Variants in DENND3 observed in about 807,000 individuals in gnomAD.
DENND3 encodes DENN domain-containing protein 3.
In DENND3, 88 loss-of-function variants were observed where a neutral mutation model predicts 135.1. That is an observed-to-expected ratio of 0.65 (90% CI 0.55 to 0.78). DENND3 has a LOEUF of 0.78. DENND3 is among the 30% of genes least tolerant of loss of function. DENND3 has a pLI of 0.00. For synonymous variants in DENND3, 693 were observed against 712.3 expected (o/e 0.97, Z 0.43); for missense variants, 1,392 against 1,688.4 (o/e 0.82, Z 3.08).
intron 17 of DENND3, among the ~76,000 whole-genome samples, chr8:141,183,621 C>T (rs1354458437): frequency 1.3e-5 from 2 of 151,534 alleles, no homozygotes; most frequent in Non-Finnish European, 2.9e-5. Context: ...GTTTAATTCA[C>T]GGTGACACAA....
chr8:141,172,350 C>T (rs1024777764), intron 13 of DENND3, among the ~76,000 whole-genome samples: 4 of 152,100 alleles, frequency 2.6e-5, no homozygotes, highest in Non-Finnish European at 4.4e-5. Flanking sequence ...GCACTGGTGG[C>T]AGCTGCGGTG....
intron 17 of DENND3, among the ~76,000 whole-genome samples, chr8:141,183,019 G>A (rs1194822603): frequency 6.6e-6 from 1 of 152,204 alleles, no homozygotes; most frequent in African/African-American, 2.4e-5. Context: ...ATCCTCAGGG[G>A]AAAGGTGAAA....
Position 141,166,099 on chromosome 8 carries a change from C to T in DENND3, c.1554-91C>T. On this transcript the variant is annotated intron_variant, in intron 11 of 22. Coordinates refer to ENST00000519811, the MANE Select transcript of DENND3 (RefSeq NM_001352890.3). This position sits in a 1 kb window ranked among gnomAD's most constrained non-coding sequence, Gnocchi z 4.3. The stretch of plus-strand genomic sequence containing the variant: ...CTGGTGTCCAAGAGTGTCATGTGCT[C>T]TTCATCACACTGGGAAAAATGCTTA... The T allele has an allele frequency of 5.4e-6, 7 of 1,295,310 alleles. 1 individual carries two copies. Among genetic ancestry groups the T allele is most frequent in the South Asian group, 2.6e-5 (2 of 77,562 alleles). The allele number at this position is 1,295,310 out of a possible 1,614,324, so 80.2% of individuals were successfully genotyped here.
rs1303442001 is a variant in DENND3, at chr8:141,194,093, G to A, written c.3697G>A (p.Asp1233Asn). 1.2e-6 allele frequency: 2 copies of A among 1,614,004 alleles called. No individual in the cohort carries two copies. Among genetic ancestry groups the A allele is most frequent in the Non-Finnish European group, 1.7e-6 (2 of 1,180,014 alleles). ...GTPKGKIYVI[D>N]AERKTVEKEL... ...ACCCAAGGGGAAAATCTACGTGATT[G>A]ACGCCGAGAGGAAGACCGTGGAGAA... is the stretch of plus-strand genomic sequence containing the variant. The change falls in exon 23 of 23, where the codon GAC becomes AAC. Residue 1233 changes from aspartate (D) to asparagine (N), a missense_variant. By Grantham distance (23) the Asp-to-Asn change is conservative (BLOSUM62 1). Transcript: ENST00000519811.
At chr8:141,171,669 G>C (rs980537646) in intron 13 of DENND3, among the ~76,000 whole-genome samples, 2 of 152,250 alleles carry the variant, frequency 1.3e-5, no homozygotes, top group Admixed American at 6.5e-5. Flanking sequence ...GAGTGTGCCT[G>C]GTGTCCACAG....
In DENND3 at chr8:141,166,334, C is replaced by T; in HGVS notation, c.1698C>T (p.Pro566=). ...ACATTGCCATGCCTGAGCTGGCACC[C>T]AGGAACTCCTCGCTCCGGCTGACGG... is the stretch of plus-strand genomic sequence containing the variant. The part of the protein sequence containing the change: ...LQDIAMPELA[P]RNSSLRLTDT... The change falls in exon 12 of 23, where the codon CCC becomes CCT. Residue 566 remains proline, a synonymous_variant. Coordinates refer to ENST00000519811, the MANE Select transcript of DENND3 (RefSeq NM_001352890.3). This position sits in a 1 kb window ranked among gnomAD's most constrained non-coding sequence, Gnocchi z 4.3. 6.2e-7 allele frequency: 1 copy of T among 1,613,744 alleles called. No individual in the cohort carries two copies. The highest frequency in any genetic ancestry group is 8.5e-7 in the Non-Finnish European group (1 of 1,180,020).
chr8:141,132,936 T>C (rs1008592223), intron 1 of DENND3, among the ~76,000 whole-genome samples: 1 of 152,208 alleles, frequency 6.6e-6, no homozygotes, highest in Non-Finnish European at 1.5e-5. Flanking sequence ...GCCTCAGTCA[T>C]CTTCTCTGCT....
Position 141,138,312 on chromosome 8 carries a change from A to T in DENND3, c.501+175A>T, listed in dbSNP as rs149493138. ...CAATGTCTAGGTCCAAAACGCTTTC[A>T]TCATCCCTGAAAACCCCATACCATT... is the stretch of plus-strand genomic sequence containing the variant. On this transcript the variant is annotated intron_variant, in intron 3 of 22. Coordinates refer to ENST00000519811, the MANE Select transcript of DENND3 (RefSeq NM_001352890.3). The surrounding 1 kb of genome is among the most constrained non-coding windows in gnomAD (Gnocchi z 4.8). Among the ~76,000 whole-genome samples, 1 of 152,254 alleles carries T rather than the reference A, an allele frequency of 6.6e-6. No individual in the cohort carries two copies. The highest frequency in any genetic ancestry group is 1.5e-5 in the Non-Finnish European group (1 of 68,026).
intron 8 of DENND3, chr8:141,158,158 C>T: frequency 7.8e-7 from 1 of 1,289,602 alleles, no homozygotes; most frequent in South Asian, 1.2e-5. Flanking sequence ...TTTCTGCTTG[C>T]TTGGGCTGTG....
chr8:141,151,128 C>G (rs1454931723), intron 6 of DENND3, among the ~76,000 whole-genome samples, 175 bp downstream of exon 6: 2 of 152,228 alleles, frequency 1.3e-5, no homozygotes, highest in East Asian at 3.8e-4. Context: ...ATGATATTTG[C>G]AAATGGCACC....
Position 141,194,267 on chromosome 8 carries a change from T to A in DENND3, c.*34T>A, listed in dbSNP as rs1825129945. The A allele has an allele frequency of 4.4e-6, 7 of 1,599,910 alleles. No individual in the cohort carries two copies. The highest frequency in any genetic ancestry group is 1.3e-5 in the African/African-American group (1 of 74,854). ...GAGTCTGCCAAGTGGAACTGTGCCCTATGTGTGGGGACTGGCTGCCCCCTA... is the reference window on the plus strand; with the variant it reads ...GAGTCTGCCAAGTGGAACTGTGCCCAATGTGTGGGGACTGGCTGCCCCCTA... On this transcript the variant is annotated 3_prime_UTR_variant, in exon 23 of 23. Coordinates refer to ENST00000519811, the MANE Select transcript of DENND3 (RefSeq NM_001352890.3).
intron 19 of DENND3, among the ~76,000 whole-genome samples, chr8:141,189,589 G>A (rs896967164): frequency 3.3e-5 from 5 of 151,920 alleles, no homozygotes; most frequent in Non-Finnish European, 5.9e-5. Context: ...GACGGGAGGA[G>A]GAGGTGGGGT....
At position 141,141,504 on chromosome 8, in the gene DENND3, T is replaced by C; in HGVS notation, c.623+180T>C. On this transcript the variant is annotated intron_variant, in intron 4 of 22. Transcript: ENST00000519811. The surrounding 1 kb of genome is among the most constrained non-coding windows in gnomAD (Gnocchi z 5.3). ...GGGCAGTTCTCTGTGCCTCTTAGGC[T>C]GTTGCTTAAGGCTGGGGGCAGTGGG... is the stretch of plus-strand genomic sequence containing the variant. 1.6e-6 allele frequency: 1 copy of C among 620,516 alleles called. No individual in the cohort carries two copies. Among genetic ancestry groups the C allele is most frequent in the Non-Finnish European group, 2.6e-6 (1 of 381,942 alleles). 38.4% of individuals were successfully genotyped at this position (620,516 alleles called of 1,614,324 possible).
chr8:141,160,288 C>G (rs1171179584), intron 8 of DENND3, among the ~76,000 whole-genome samples: 1 of 151,882 alleles, frequency 6.6e-6, no homozygotes, highest in Non-Finnish European at 1.5e-5. Flanking sequence ...AAGCGATTCT[C>G]CTGGCTCAGC....
At chr8:141,164,576 T>C (rs536266363) in intron 10 of DENND3, among the ~76,000 whole-genome samples, 16 of 152,308 alleles carry the variant, frequency 1.1e-4, no homozygotes, top group African/African-American at 3.8e-4. Flanking sequence ...CCCTGTGAGC[T>C]TGGAGAGTTG....
chr8:141,173,951 G>A (rs777266742), intron 13 of DENND3, among the ~76,000 whole-genome samples: 22 of 152,214 alleles, frequency 1.4e-4, no homozygotes, highest in Admixed American at 6.5e-5. Flanking sequence ...GGTGTAGCAA[G>A]TGTTGCTGGA....
At position 141,176,655 on chromosome 8, in the gene DENND3, C is replaced by G. The variant is rs369498373; in HGVS notation, c.2600C>G (p.Ala867Gly). The change falls in exon 15 of 23, where the codon GCG becomes GGG. Residue 867 changes from alanine to glycine, a missense_variant. Coordinates refer to ENST00000519811, the MANE Select transcript of DENND3 (RefSeq NM_001352890.3). ...RRIPTLKIRV[A>G]SKKEVFEANL... ...ATACCCACTTTAAAAATCAGAGTGG[C>G]GTCCAAGAAAGAAGTCTTCGAAGCC... The G allele has an allele frequency of 6.2e-7, 1 of 1,614,240 alleles. No homozygotes were observed. Among genetic ancestry groups the G allele is most frequent in the South Asian group, 1.1e-5 (1 of 91,086 alleles).
chr8:141,131,142 A>AG (rs1371861654), intron 1 of DENND3, among the ~76,000 whole-genome samples: 2 of 152,000 alleles, frequency 1.3e-5, no homozygotes, highest in Non-Finnish European at 2.9e-5. Flanking sequence ...ATTTCCTAGA[A>AG]GGGGGAGTAG....
At chr8:141,187,007 T>C (rs1323755613) in intron 18 of DENND3, among the ~76,000 whole-genome samples, 3 of 152,194 alleles carry the variant, frequency 2.0e-5, no homozygotes, top group African/African-American at 7.2e-5. Context: ...GTTTCTCCTG[T>C]TCTTGCTCAT....
Sources: gnomAD v4.1 joint callset for allele counts (sites outside exome capture counted in the v4.1 genomes callset) on GRCh38, gnomAD v4.1.1 for gene constraint, Gnocchi (gnomAD v3.1) non-coding constraint, MANE v1.5 for transcripts, NCBI Gene and HGNC (gene_info 2026-07-23, HGNC 2026-07-21) for gene names.